The following PCDHA6 variants were observed in gnomAD, a reference collection of about 807,000 sequenced individuals.
PCDHA6 encodes the protein protocadherin alpha-6.
A neutral mutation model predicts 60.3 loss-of-function variants in PCDHA6; 55 were observed. The ratio of observed to expected loss-of-function variants is 0.91; its 90% CI spans 0.73 to 1.14. PCDHA6 has a LOEUF of 1.14. PCDHA6 is among the 50% of genes most tolerant of loss of function. The pLI is 0.00. For synonymous variants in PCDHA6, 652 were observed against 557.9 expected (o/e 1.17, Z -2.38); for missense variants, 1,327 against 1,256.5 (o/e 1.06, Z -0.85).
intron 1 of PCDHA6, among the ~76,000 whole-genome samples, chr5:140,974,516 T>G (rs533322332): frequency 2.0e-5 from 3 of 152,328 alleles, no homozygotes; most frequent in African/African-American, 7.2e-5. Context: ...TTTTATTTTA[T>G]TTTAGTTTTT....
intron 1 of PCDHA6, among the ~76,000 whole-genome samples, chr5:140,871,854 A>C (rs1271399215): frequency 6.6e-6 from 1 of 152,254 alleles, no homozygotes; most frequent in African/African-American, 2.4e-5. Context: ...TATGACCATA[A>C]TAACTATGGA....
Position 140,828,701 on chromosome 5 carries a change from G to A in PCDHA6, c.610G>A (p.Glu204Lys), listed in dbSNP as rs1769895865. The A allele has an allele frequency of 1.2e-6, 2 of 1,614,104 alleles. No homozygotes were observed. ...LLLKKSLDRE[E>K]APAHNLFLTA... ...ATTAAAGAAATCCTTGGACAGAGAG[G>A]AAGCTCCTGCACACAACTTATTCCT... Residue 204 changes from glutamate to lysine, a missense_variant, in exon 1 of 4, where the codon GAA (glutamate) becomes AAA (lysine). Physicochemically the swap from Glu to Lys is moderately conservative, Grantham distance 56. Transcript: ENST00000529310.
At chr5:140,862,065 G>T (rs2047192939) in intron 1 of PCDHA6, 1 of 155,768 alleles carries the variant, frequency 6.4e-6, no homozygotes, top group African/African-American at 2.4e-5. Flanking sequence ...TGCAACTGAT[G>T]TCTCCCCTAA....
intron 1 of PCDHA6, among the ~76,000 whole-genome samples, chr5:140,909,493 G>T (rs989826667): frequency 6.6e-6 from 1 of 152,184 alleles, no homozygotes; most frequent in African/African-American, 2.4e-5. Context: ...AGAGCTGAAC[G>T]GGGATGTGGT....
intron 1 of PCDHA6, chr5:140,966,944 A>C: frequency 6.2e-7 from 1 of 1,603,894 alleles, no homozygotes; most frequent in Non-Finnish European, 8.5e-7. Context: ...GCTCGTGGGC[A>C]ACGTGGCTCG....
chr5:140,842,064 A>G lies in PCDHA6; in HGVS notation c.2394+11579A>G, dbSNP rs200994582. 183 of 1,613,874 alleles carry G rather than the reference A, an allele frequency of 1.1e-4. 1 individual carries two copies. The highest frequency in any genetic ancestry group is 6.6e-4 in the Middle Eastern group (4 of 6,062). On this transcript the variant is annotated intron_variant, in intron 1 of 3. Coordinates refer to ENST00000529310, the MANE Select transcript of PCDHA6 (RefSeq NM_018909.4). The stretch of plus-strand genomic sequence containing the variant: ...CCCACTTTCGAACAGTCTGAATACG[A>G]AGTAAGAATATTCGAAAACGCAGAC...
intron 1 of PCDHA6, among the ~76,000 whole-genome samples, chr5:140,909,417 G>A (rs1016868783): frequency 2.0e-5 from 3 of 152,156 alleles, no homozygotes; most frequent in Non-Finnish European, 1.5e-5. Flanking sequence ...TTACCATTTG[G>A]TTAAACTTAT....
rs2098421094 is a variant in PCDHA6 at position 141,011,574 on chromosome 5, TAAATC to T, written c.*1640_*1644del. ...GAAAGACACAGTAAAATTTCTTTCT[TAAATC>T]AAGATACTGGTGATTCAAGGAATTT... On this transcript the variant is annotated 3_prime_UTR_variant, in exon 4 of 4. Transcript: ENST00000529310. 1.3e-5 allele frequency: 2 copies of T among 153,802 alleles called. No individual in the cohort carries two copies. 9.5% of individuals were successfully genotyped at this position (153,802 alleles called of 1,614,324 possible).
chr5:140,962,852 T>G (rs2095713840), intron 1 of PCDHA6, among the ~76,000 whole-genome samples: 2 of 152,216 alleles, frequency 1.3e-5, no homozygotes, highest in Admixed American at 1.3e-4. Context: ...TAACTTGTGC[T>G]CGGTTTGTAG....
At chr5:140,833,480 A>G (rs1378647255) in intron 1 of PCDHA6, among the ~76,000 whole-genome samples, 4 of 152,220 alleles carry the variant, frequency 2.6e-5, no homozygotes, top group East Asian at 1.9e-4. Context: ...AAGAAATAAT[A>G]CAAATCATAT....
At chr5:140,992,950 C>T (rs1435932636) in intron 3 of PCDHA6, among the ~76,000 whole-genome samples, 1 of 152,216 alleles carries the variant, frequency 6.6e-6, no homozygotes, top group East Asian at 1.9e-4. Context: ...GAGATTAAAT[C>T]ACCCCTTATA....
At chr5:140,976,515 C>T (rs1285704969) in intron 1 of PCDHA6, among the ~76,000 whole-genome samples, 1 of 152,016 alleles carries the variant, frequency 6.6e-6, no homozygotes, top group Non-Finnish European at 1.5e-5. Flanking sequence ...CGCGCCACTG[C>T]ACACCAGCCT....
intron 1 of PCDHA6, among the ~76,000 whole-genome samples, chr5:140,935,315 A>G (rs552631416): frequency 5.9e-5 from 9 of 152,306 alleles, no homozygotes; most frequent in East Asian, 5.8e-4. Context: ...AACTTCATCA[A>G]TCTTACATTC....
At chr5:140,893,771 T>C (rs1428542584) in intron 1 of PCDHA6, among the ~76,000 whole-genome samples, 1 of 152,186 alleles carries the variant, frequency 6.6e-6, no homozygotes, top group African/African-American at 2.4e-5. Flanking sequence ...CTTGTCACTT[T>C]TCTTTTACCG....
At chr5:140,971,462 A>G (rs1554233357) in intron 1 of PCDHA6, among the ~76,000 whole-genome samples, 1 of 152,184 alleles carries the variant, frequency 6.6e-6, no homozygotes, top group African/African-American at 2.4e-5. Flanking sequence ...TTTTGCAGTT[A>G]TAGGGAGAGA....
At chr5:140,991,277 C>G (rs1210642530) in intron 3 of PCDHA6, among the ~76,000 whole-genome samples, 1 of 152,148 alleles carries the variant, frequency 6.6e-6, no homozygotes, top group African/African-American at 2.4e-5. Flanking sequence ...CTGCTGAACT[C>G]TATACACTTA....
rs116377419 is a variant in PCDHA6, at chr5:140,884,621, G to A, written c.2394+54136G>A. On this transcript the variant is annotated intron_variant, in intron 1 of 3. Coordinates refer to ENST00000529310, the MANE Select transcript of PCDHA6 (RefSeq NM_018909.4). ...TCCTCCTTGTCTGGGTTCTGCAGAG[G>A]GAACAGGCCAGAGGGAGGAGGACTC... 8.0e-4 allele frequency: 1,287 copies of A among 1,613,996 alleles called. 6 individuals carry two copies. The African/African-American group carries it at 0.016, about 20-fold the overall frequency.
At position 140,960,349 on chromosome 5, in the gene PCDHA6, A is replaced by T. The variant is rs936485666; in HGVS notation, c.2395-18600A>T. Among the ~76,000 whole-genome samples, 8 of 152,238 alleles carry T rather than the reference A, an allele frequency of 5.3e-5. No homozygotes were observed. The East Asian group carries it at 1.3e-3, about 26-fold the overall frequency. ...GAGAAGTACATGAGGTGAGATATGTACTGAAATAATATGCCAACTCTTAAG... is the reference window on the plus strand; with the variant it reads ...GAGAAGTACATGAGGTGAGATATGTTCTGAAATAATATGCCAACTCTTAAG... On this transcript the variant is annotated intron_variant, in intron 1 of 3. Coordinates refer to ENST00000529310, the MANE Select transcript of PCDHA6 (RefSeq NM_018909.4).
rs2150158539 is a variant in PCDHA6, at chr5:140,828,749, C to T, written c.658C>T (p.Pro220Ser). ...LFLTATDGGK[P>S]ELTGTVQLLV... is the part of the protein sequence containing the mutation. ...CCTGACAGCCACAGATGGGGGCAAA[C>T]CTGAGCTCACAGGCACTGTTCAGCT... Residue 220 changes from proline to serine, a missense_variant, in exon 1 of 4, where the codon CCT becomes TCT. Pro to Ser is a moderately conservative substitution (Grantham distance 74, BLOSUM62 -1). Transcript: ENST00000529310. 1 of 1,614,192 alleles carries T rather than the reference C, an allele frequency of 6.2e-7. No individual in the cohort carries two copies. Among genetic ancestry groups the T allele is most frequent in the South Asian group, 1.1e-5 (1 of 91,080 alleles).
Sources: allele counts gnomAD v4.1 joint callset (sites outside exome capture counted in the v4.1 genomes callset), GRCh38; gene constraint gnomAD v4.1.1; transcripts MANE v1.5; gene names NCBI Gene and HGNC (gene_info 2026-07-23, HGNC 2026-07-21).